The following MOB1B variants were observed in gnomAD, a reference collection of about 807,000 sequenced individuals.
The protein encoded by MOB1B is MOB1 Mps One Binder homolog B.
A neutral mutation model predicts 24.4 loss-of-function variants in MOB1B; 19 were observed. That is an observed-to-expected ratio of 0.78 (90% confidence interval 0.54 to 1.14). The LOEUF (loss-of-function observed/expected upper bound fraction) is 1.14, where lower values mean the gene tolerates loss of function less well. Ranked by LOEUF, MOB1B falls within the 50% of genes most tolerant of loss-of-function variation. The pLI is 0.00. For synonymous variants in MOB1B, 76 were observed against 82.1 expected, an observed-to-expected ratio of 0.93 and a Z score of 0.40; for missense variants, 243 against 259.6, an observed-to-expected ratio of 0.94 and a Z score of 0.44.
At chr4:70,912,817 G>A (rs1560628766) in intron 1 of MOB1B, among the ~76,000 whole-genome samples, 1 of 152,172 alleles carries the variant, frequency 6.6e-6, no homozygotes, top group Non-Finnish European at 1.5e-5. Context: ...CTGCAGTGCA[G>A]TGGCCCGATC....
rs755340172 is a variant in MOB1B at position 70,929,151 on chromosome 4, ATTTCT to A, written c.14+26608_14+26612del. 3.6e-4 allele frequency among the ~76,000 whole-genome samples: 52 copies of A among 142,834 alleles called. No individual in the cohort carries two copies. In the East Asian group the frequency reaches 6.1e-3, roughly 17 times the overall value. The allele number at this position is 142,834 out of a possible 152,430, so 93.7% of individuals were successfully genotyped here. On this transcript the variant is annotated intron_variant, in intron 1 of 5. Coordinates refer to ENST00000309395, the MANE Select transcript of MOB1B (RefSeq NM_173468.4). ...CTTCCAAATAATTTCTGTCCCCTGT[ATTTCT>A]TTTCTTCTTTTTCTTTTCTTTCTTT...
Position 70,986,659 on chromosome 4 carries a change from A to G in MOB1B, c.*4602A>G, listed in dbSNP as rs1400084682. 9 of 152,196 alleles carry G rather than the reference A, an allele frequency of 5.9e-5. No individual in the cohort carries two copies. Among genetic ancestry groups the G allele is most frequent in the Admixed American group, 2.0e-4 (3 of 15,278 alleles). 9.4% of individuals were successfully genotyped at this position (152,196 alleles called of 1,614,324 possible). On this transcript the variant is annotated 3_prime_UTR_variant, in exon 6 of 6. Transcript: ENST00000309395. ...TAAGGACTACTCTTAAATAACTTAA[A>G]TATCAGAGTTTTGTTGTAATATTAA...
chr4:70,902,348 C>T (rs979438336), upstream of MOB1B: 22 of 685,326 alleles, frequency 3.2e-5, no homozygotes, highest in Non-Finnish European at 5.0e-5. Context: ...GCGCTACCCA[C>T]TTCCGCCCCC....
intron 1 of MOB1B, among the ~76,000 whole-genome samples, chr4:70,921,569 C>T (rs992078684): frequency 9.5e-5 from 13 of 136,436 alleles, no homozygotes; most frequent in African/African-American, 2.7e-4. Flanking sequence ...TGCAGTGGTG[C>T]GATCTCAGCT....
chr4:70,957,850 C>T (rs928249546), intron 1 of MOB1B, among the ~76,000 whole-genome samples: 2 of 150,916 alleles, frequency 1.3e-5, no homozygotes, highest in South Asian at 2.1e-4. Flanking sequence ...TGCACTACAA[C>T]CTCAAGGGAT....
At chr4:70,954,037 C>G (rs1487240585) in intron 1 of MOB1B, among the ~76,000 whole-genome samples, 1 of 152,024 alleles carries the variant, frequency 6.6e-6, no homozygotes, top group African/African-American at 2.4e-5. Context: ...CCAAGATGGC[C>G]TGAACCTTTC....
chr4:70,951,255 C>T (rs2148889954), intron 1 of MOB1B, among the ~76,000 whole-genome samples: 1 of 152,278 alleles, frequency 6.6e-6, no homozygotes, highest in Non-Finnish European at 1.5e-5. Flanking sequence ...CTGCACCCCG[C>T]CAACCCCTGT....
chr4:70,910,514 T>TA (rs1389894421), intron 1 of MOB1B, among the ~76,000 whole-genome samples: 14 of 151,870 alleles, frequency 9.2e-5, no homozygotes, highest in Admixed American at 9.2e-4. Flanking sequence ...TGGGCCTTGT[T>TA]ATTAAGGGAA....
At chr4:70,907,355 AGTATATTTCAT>A (rs1735790581) in intron 1 of MOB1B, among the ~76,000 whole-genome samples, 2 of 152,192 alleles carry the variant, frequency 1.3e-5, no homozygotes, top group Non-Finnish European at 2.9e-5. Flanking sequence ...TCATTCAAAA[AGTATATTTCAT>A]GTTCTCTTAA....
intron 3 of MOB1B, among the ~76,000 whole-genome samples, chr4:70,973,066 C>T (rs1263224098): frequency 6.6e-6 from 1 of 152,156 alleles, no homozygotes; most frequent in East Asian, 1.9e-4. Flanking sequence ...AGCCACCACG[C>T]CCGGCCTAAT....
intron 1 of MOB1B, among the ~76,000 whole-genome samples, chr4:70,908,087 G>A (rs1474388201): frequency 2.7e-5 from 4 of 150,252 alleles, no homozygotes; most frequent in African/African-American, 4.9e-5. Context: ...GTCCAGTGGC[G>A]CGATCTCGGC....
chr4:70,922,823 CAAT>C (rs1278044931), intron 1 of MOB1B, among the ~76,000 whole-genome samples: 6 of 152,128 alleles, frequency 3.9e-5, no homozygotes, highest in African/African-American at 1.4e-4. Flanking sequence ...CAACATGTAA[CAAT>C]AAGTGTACAT....
At position 70,985,270 on chromosome 4, in the gene MOB1B, T is replaced by C. The variant is rs544691324; in HGVS notation, c.*3213T>C. The C allele has an allele frequency of 2.7e-4, 41 of 152,308 alleles. No homozygotes were observed. In the East Asian group the frequency reaches 2.7e-3, roughly 10 times the overall value. 9.4% of individuals were successfully genotyped at this position (152,308 alleles called of 1,614,324 possible). A position where few individuals can be genotyped will look rare whatever the true frequency, so the allele number is the denominator to read the frequency against. On this transcript the variant is annotated 3_prime_UTR_variant, in exon 6 of 6. Coordinates refer to ENST00000309395, the MANE Select transcript of MOB1B (RefSeq NM_173468.4). ...TGGTAGAATATGTGAGATACAAATA[T>C]TGAGTTGTAGAACTTTCTTTTTAAG... is the stretch of plus-strand genomic sequence containing the variant.
intron 1 of MOB1B, among the ~76,000 whole-genome samples, chr4:70,937,701 G>A (rs1737140790): frequency 6.6e-6 from 1 of 151,756 alleles, no homozygotes; most frequent in Non-Finnish European, 1.5e-5. Context: ...TTAGTAAGGG[G>A]AAATTTTTAG....
chr4:70,927,248 A>G (rs1279257183), intron 1 of MOB1B, among the ~76,000 whole-genome samples: 1 of 151,938 alleles, frequency 6.6e-6, no homozygotes. Flanking sequence ...AAAGAAAAAA[A>G]TTGCTGTCAG....
At chr4:70,920,281 A>G (rs1340797129) in intron 1 of MOB1B, among the ~76,000 whole-genome samples, 1 of 151,538 alleles carries the variant, frequency 6.6e-6, no homozygotes, top group African/African-American at 2.4e-5. Context: ...CTTCTCCTTC[A>G]ACAGTCTCAC....
intron 4 of MOB1B, among the ~76,000 whole-genome samples, chr4:70,977,617 C>T (rs926711894): frequency 6.6e-5 from 10 of 152,080 alleles, no homozygotes; most frequent in Admixed American, 2.0e-4. Flanking sequence ...TACATAGTTA[C>T]CCTTTTTCCC....
chr4:70,961,680 A>G (rs1391000997), intron 2 of MOB1B, among the ~76,000 whole-genome samples: 1 of 152,204 alleles, frequency 6.6e-6, no homozygotes, highest in Non-Finnish European at 1.5e-5. Flanking sequence ...AAAATACAAC[A>G]TTTAACTGAA....
At chr4:70,963,985 C>T (rs1028752457) in intron 2 of MOB1B, among the ~76,000 whole-genome samples, 2 of 152,018 alleles carry the variant, frequency 1.3e-5, no homozygotes, top group Non-Finnish European at 2.9e-5. Context: ...TCCCGATAGT[C>T]GTGTTATGTC....
Sources: allele counts gnomAD v4.1 joint callset (sites outside exome capture counted in the v4.1 genomes callset), GRCh38; gene constraint gnomAD v4.1.1; transcripts MANE v1.5; gene names NCBI Gene and HGNC (gene_info 2026-07-23, HGNC 2026-07-21).